Variants in IL4I1 observed in about 807,000 individuals in gnomAD.
IL4I1 encodes interleukin 4 induced 1, also known as L-amino-acid oxidase.
A neutral mutation model predicts 29.7 loss-of-function variants in IL4I1; 24 were observed. The ratio of observed to expected loss-of-function variants is 0.81; its 90% CI spans 0.59 to 1.14. The LOEUF (loss-of-function observed/expected upper bound fraction) is 1.14. Ranked by LOEUF, IL4I1 falls within the 50% of genes most tolerant of loss-of-function variation. The probability of loss-of-function intolerance (pLI) is 0.00; values close to 1 mark genes in which losing one functional copy is unlikely to be tolerated. For missense variants in IL4I1, 686 were observed against 785.6 expected, an observed-to-expected ratio of 0.87 and a Z score of 1.52; for synonymous variants, 371 against 352.5, an observed-to-expected ratio of 1.05 and a Z score of -0.59.
Position 49,909,605 on chromosome 19 carries a change from G to C in IL4I1, c.-227-5284C>G, listed in dbSNP as rs141139699. ...AAAAGTGAAGCCTGTCGTCTGTGTG[G>C]CCGGAGTCTGGGTGGCAAGTGAGAA... On this transcript the variant is annotated intron_variant, in intron 2 of 9. Coordinates refer to the IL4I1 transcript ENST00000341114. 2.5e-5 allele frequency: 40 copies of C among 1,613,288 alleles called. No homozygotes were observed. In the African/African-American group the frequency reaches 5.1e-4, roughly 20 times the overall value.
chr19:49,891,397 C>A lies in IL4I1; in HGVS notation c.636+8G>T. 6.2e-7 allele frequency: 1 copy of A among 1,613,866 alleles called. No homozygotes were observed. The highest frequency in any genetic ancestry group is 1.1e-5 in the South Asian group (1 of 91,088). On this transcript the variant is annotated splice_region_variant and intron_variant, in intron 6 of 7. Transcript: ENST00000391826. ...CTGCATCTCAGCAGAACCAAGATCC[C>A]CACTTACCAAGAGCGTGTGCCTTTC...
chr19:49,894,565 C>T, intron 4 of IL4I1, 96 bp from the exon 5 acceptor site: 1 of 513,588 alleles, frequency 1.9e-6, no homozygotes, highest in Non-Finnish European at 3.4e-6. Context: ...GGGAGAGTAG[C>T]TGGGGACCAG....
intron 2 of IL4I1, among the ~76,000 whole-genome samples, chr19:49,919,516 G>A (rs1282063424): frequency 6.6e-6 from 1 of 152,218 alleles, no homozygotes; most frequent in African/African-American, 2.4e-5. Context: ...TCCTGCCTCT[G>A]CCACTTGCTA....
upstream of IL4I1, among the ~76,000 whole-genome samples, chr19:49,899,562 G>T (rs10409547): frequency 0.61 from 88,500 of 145,548 alleles, 27,096 homozygotes; most frequent in South Asian, 0.73. Context: ...TGTTTTTTTT[G>T]TTTTTTTTAA....
intron 2 of IL4I1, among the ~76,000 whole-genome samples, chr19:49,911,893 G>A (rs1320955161): frequency 2.0e-5 from 3 of 152,170 alleles, no homozygotes; most frequent in South Asian, 2.1e-4. Flanking sequence ...GGCCTGGCCC[G>A]GCCTACATCC....
At position 49,890,242 on chromosome 19, in the gene IL4I1, G is replaced by A. The variant is rs768118638; in HGVS notation, c.1132C>T (p.Arg378Cys). Residue 378 changes from arginine (R) to cysteine (C), a missense_variant, in exon 8 of 8, where the codon CGC becomes TGC. Physicochemically the swap from Arg to Cys is radical, Grantham distance 180 (BLOSUM62 -3). Coordinates refer to ENST00000391826, the MANE Select transcript of IL4I1 (RefSeq NM_152899.2). ...GGGTAGAAAATCATGCGCGACGGGC[G>A]ATCGGTGTTTGAGTGGCCGCCTTCA... is the stretch of plus-strand genomic sequence containing the variant. Reference protein sequence around the residue: ...HIEGGHSNTDRPSRMIFYPPP... With the variant: ...HIEGGHSNTDCPSRMIFYPPP... 5 of 1,564,728 alleles carry A rather than the reference G, an allele frequency of 3.2e-6. No homozygotes were observed. Among genetic ancestry groups the A allele is most frequent in the Non-Finnish European group, 3.5e-6 (4 of 1,155,034 alleles).
intron 2 of IL4I1, among the ~76,000 whole-genome samples, chr19:49,904,995 C>T (rs765359245): frequency 1.8e-4 from 28 of 152,152 alleles, no homozygotes; most frequent in Admixed American, 2.0e-4. Flanking sequence ...CAGGCATGAG[C>T]CACCGTGCCC....
intron 2 of IL4I1, chr19:49,908,332 C>T (rs766278481): frequency 4.3e-6 from 7 of 1,614,112 alleles, no homozygotes; most frequent in South Asian, 1.1e-5. Flanking sequence ...GCAGCAGGGC[C>T]GAGTTCTGGT....
Position 49,890,650 on chromosome 19 carries a change from C to G in IL4I1, c.774-50G>C, listed in dbSNP as rs1468397536. The G allele has an allele frequency of 6.3e-6, 9 of 1,423,694 alleles. No individual in the cohort carries two copies. In the East Asian group the frequency reaches 2.0e-4, roughly 32 times the overall value. The allele number at this position is 1,423,694 out of a possible 1,614,324, so 88.2% of individuals were successfully genotyped here. On this transcript the variant is annotated intron_variant, in intron 7 of 7. Transcript: ENST00000391826. ...GGGGCGTGACCTGGGCTCTGCGGCC[C>G]TGCCCCTCTGCCTTGCCCCACCCAC...
At chr19:49,904,314 T>C (rs2075296554) in exon 3 of IL4I1, 1 of 152,180 alleles carries the variant, frequency 6.6e-6, no homozygotes, top group Admixed American at 6.6e-5. Context: ...CATCTGTGTA[T>C]TTTCTTCCTG....
At chr19:49,906,446 A>T (rs1239610670) in intron 2 of IL4I1, among the ~76,000 whole-genome samples, 6 of 152,104 alleles carry the variant, frequency 3.9e-5, no homozygotes, top group Non-Finnish European at 8.8e-5. Context: ...CCCTGACCTC[A>T]AGTGATCTGC....
chr19:49,910,142 G>A (rs45536631), intron 2 of IL4I1, among the ~76,000 whole-genome samples: 8,132 of 152,152 alleles, frequency 0.053, 336 homozygotes, highest in Middle Eastern at 0.092. Context: ...TGTGGAGGAC[G>A]AGGCGGGAGA....
intron 2 of IL4I1, among the ~76,000 whole-genome samples, chr19:49,922,428 T>C (rs2075787105): frequency 6.6e-6 from 1 of 151,874 alleles, no homozygotes; most frequent in South Asian, 2.1e-4. Flanking sequence ...AGAAACACTG[T>C]CCTCCCCTCC....
upstream of IL4I1, among the ~76,000 whole-genome samples, chr19:49,898,980 C>T (rs1221605101): frequency 6.6e-6 from 1 of 152,224 alleles, no homozygotes; most frequent in Admixed American, 6.5e-5. Flanking sequence ...CCCTGGGGCA[C>T]AGAGAGGGGA....
upstream of IL4I1, among the ~76,000 whole-genome samples, chr19:49,898,192 A>G (rs985572129): frequency 1.3e-5 from 2 of 151,964 alleles, no homozygotes; most frequent in African/African-American, 4.8e-5. Context: ...ATGGTGGCAT[A>G]CGCCTGTAGT....
intron 2 of IL4I1, among the ~76,000 whole-genome samples, chr19:49,922,091 T>C (rs1162707959): frequency 6.6e-6 from 1 of 152,048 alleles, no homozygotes; most frequent in East Asian, 1.9e-4. Flanking sequence ...CAAACACCCC[T>C]CCTGACTCAG....
At chr19:49,926,380 A>G (rs1313028631) in intron 2 of IL4I1, among the ~76,000 whole-genome samples, 1 of 152,022 alleles carries the variant, frequency 6.6e-6, no homozygotes, top group Non-Finnish European at 1.5e-5. Flanking sequence ...AAATACAAAA[A>G]TTAGCCAGGC....
At chr19:49,903,104 G>A (rs2075285064) in intron 3 of IL4I1, among the ~76,000 whole-genome samples, 1 of 151,716 alleles carries the variant, frequency 6.6e-6, no homozygotes, top group African/African-American at 2.4e-5. Flanking sequence ...AACAGAGCAG[G>A]ACTCTCTGAA....
chr19:49,918,074 TTTTC>T (rs766479145), intron 2 of IL4I1, among the ~76,000 whole-genome samples: 3,127 of 149,878 alleles, frequency 0.021, 116 homozygotes, highest in East Asian at 0.19. Context: ...CTGCTTTCCT[TTTTC>T]TTTTTTTTTT....
Sources: allele counts gnomAD v4.1 joint callset (sites outside exome capture counted in the v4.1 genomes callset), GRCh38; gene constraint gnomAD v4.1.1; transcripts MANE v1.5; gene names NCBI Gene and HGNC (gene_info 2026-07-23, HGNC 2026-07-21).